The following CDH18 variants were observed in gnomAD, a reference collection of about 807,000 sequenced individuals.
The protein encoded by CDH18 is cadherin-18.
CDH18 carries 31 observed loss-of-function variants against 67.9 expected under a neutral mutation model. That is an observed-to-expected ratio of 0.46 (90% CI 0.34 to 0.62). The LOEUF is 0.62. CDH18 is among the 20% of genes least tolerant of loss of function. The probability of loss-of-function intolerance (pLI) is 0.01; values close to 1 mark genes in which losing one functional copy is unlikely to be tolerated. For synonymous variants in CDH18, 362 were observed against 347.2 expected, an observed-to-expected ratio of 1.04 and a Z score of -0.48; for missense variants, 890 against 975.5, an observed-to-expected ratio of 0.91 and a Z score of 1.17.
intron 1 of CDH18, among the ~76,000 whole-genome samples, chr5:20,259,984 T>G (rs1744526068): frequency 6.6e-6 from 1 of 151,412 alleles, no homozygotes; most frequent in Non-Finnish European, 1.5e-5. Flanking sequence ...AAAAAAAAAA[T>G]TGAGGTGCGA....
At chr5:19,707,421 G>A (rs1202942948) in intron 5 of CDH18, among the ~76,000 whole-genome samples, 2 of 152,056 alleles carry the variant, frequency 1.3e-5, no homozygotes, top group South Asian at 2.1e-4. Context: ...ATACTTATTG[G>A]GCATATTTAC....
chr5:20,089,432 G>C (rs1245883041), intron 2 of CDH18, among the ~76,000 whole-genome samples: 1 of 152,068 alleles, frequency 6.6e-6, no homozygotes, highest in African/African-American at 2.4e-5. Flanking sequence ...TTTCTACCCA[G>C]TTTGGTTCCT....
At chr5:19,488,505 C>CG (rs1254406986) in intron 11 of CDH18, among the ~76,000 whole-genome samples, 2 of 152,116 alleles carry the variant, frequency 1.3e-5, no homozygotes, top group Admixed American at 1.3e-4. Context: ...CTAGGAAATA[C>CG]GGCTCAACTT....
chr5:20,490,039 T>C (rs73764425), intron 1 of CDH18, among the ~76,000 whole-genome samples: 5,018 of 150,804 alleles, frequency 0.033, 269 homozygotes, highest in African/African-American at 0.11. Context: ...AATAAATCAT[T>C]AATTGAATAT....
chr5:20,119,023 T>C (rs569359245), intron 2 of CDH18, among the ~76,000 whole-genome samples: 1 of 152,140 alleles, frequency 6.6e-6, no homozygotes, highest in African/African-American at 2.4e-5. Flanking sequence ...ACTTTATATA[T>C]TGGGATCACA....
chr5:19,522,337 A>C (rs1407012209), intron 9 of CDH18, among the ~76,000 whole-genome samples: 2 of 152,194 alleles, frequency 1.3e-5, no homozygotes, highest in Non-Finnish European at 2.9e-5. Flanking sequence ...GAACCTATGA[A>C]TAAATCTAAC....
chr5:20,373,991 A>G (rs552286012), intron 1 of CDH18, among the ~76,000 whole-genome samples: 1 of 152,312 alleles, frequency 6.6e-6, no homozygotes, highest in Non-Finnish European at 1.5e-5. Flanking sequence ...GATGGAAAAC[A>G]TAATATTTAA....
intron 1 of CDH18, among the ~76,000 whole-genome samples, chr5:20,272,016 T>C (rs1745475756): frequency 6.6e-6 from 1 of 151,940 alleles, no homozygotes; most frequent in South Asian, 2.1e-4. Flanking sequence ...TTTTTATGAA[T>C]AAAGAATTAA....
At chr5:20,453,601 A>C (rs2150210786) in intron 1 of CDH18, among the ~76,000 whole-genome samples, 1 of 151,704 alleles carries the variant, frequency 6.6e-6, no homozygotes, top group Non-Finnish European at 1.5e-5. Context: ...GTATATGTAT[A>C]TATATGTGTG....
chr5:19,934,964 C>T (rs1794076568), intron 2 of CDH18, among the ~76,000 whole-genome samples: 1 of 151,194 alleles, frequency 6.6e-6, no homozygotes, highest in African/African-American at 2.4e-5. Flanking sequence ...AGCATATGTC[C>T]TTATGTATAA....
chr5:19,804,132 A>C (rs1210586345), intron 3 of CDH18: 1 of 149,396 alleles, frequency 6.7e-6, no homozygotes, highest in African/African-American at 2.5e-5. Context: ...AAAAAAAAAA[A>C]AAAAGAAAAA....
chr5:19,979,706 G>A lies in CDH18; in HGVS notation c.-257+1354C>T, dbSNP rs113776164. ...TAAATGTAATAGAAGATAAAAATAC[G>A]TTGACTAATAAAATACATAGATGAT... On this transcript the variant is annotated intron_variant, in intron 2 of 12. Transcript: ENST00000382275. Among the ~76,000 whole-genome samples the A allele has an allele frequency of 3.1e-3, 476 of 152,224 alleles. 7 individuals carry two copies. The highest frequency in any genetic ancestry group is 9.2e-3 in the African/African-American group (383 of 41,544).
chr5:20,248,428 G>GGGAAAAC (rs1247327563), intron 2 of CDH18, among the ~76,000 whole-genome samples: 1 of 152,204 alleles, frequency 6.6e-6, no homozygotes, highest in Non-Finnish European at 1.5e-5. Context: ...TATGTGACAA[G>GGGAAAAC]GGAAAACGTT....
At chr5:20,219,593 T>G (rs984113589) in intron 2 of CDH18, among the ~76,000 whole-genome samples, 4 of 150,700 alleles carry the variant, frequency 2.7e-5, no homozygotes, top group African/African-American at 9.7e-5. Flanking sequence ...AACAAAATAC[T>G]AGCAAACCAA....
intron 12 of CDH18, among the ~76,000 whole-genome samples, chr5:19,474,550 C>T (rs1158472495): frequency 1.3e-5 from 2 of 151,896 alleles, no homozygotes; most frequent in Non-Finnish European, 2.9e-5. Context: ...TAATGGAACA[C>T]TAGGCATAAA....
intron 3 of CDH18, among the ~76,000 whole-genome samples, chr5:19,803,394 T>C (rs1223898172): frequency 6.6e-6 from 1 of 152,218 alleles, no homozygotes. Context: ...AACTGATAGC[T>C]TAGACACATA....
intron 2 of CDH18, among the ~76,000 whole-genome samples, chr5:20,157,816 A>G (rs1751655798): frequency 1.3e-5 from 2 of 151,738 alleles, no homozygotes; most frequent in South Asian, 2.1e-4. Context: ...TAATTTTTGT[A>G]TTTTTAGTAG....
At chr5:19,788,200 T>C (rs780565871) in intron 3 of CDH18, among the ~76,000 whole-genome samples, 4 of 152,160 alleles carry the variant, frequency 2.6e-5, no homozygotes, top group Non-Finnish European at 4.4e-5. Context: ...TGAGAACTGG[T>C]AATTAAGCAA....
intron 9 of CDH18, among the ~76,000 whole-genome samples, chr5:19,522,298 C>G (rs1275090205): frequency 6.6e-6 from 1 of 151,976 alleles, no homozygotes; most frequent in African/African-American, 2.4e-5. Context: ...ATACATCATT[C>G]TTAATGGTGA....
Sources: allele counts gnomAD v4.1 joint callset (sites outside exome capture counted in the v4.1 genomes callset), GRCh38; gene constraint gnomAD v4.1.1; transcripts MANE v1.5; gene names NCBI Gene and HGNC (gene_info 2026-07-23, HGNC 2026-07-21).